Variants in ZSCAN10 observed in about 807,000 individuals in gnomAD.
The protein encoded by ZSCAN10 is zinc finger and SCAN domain-containing protein 10.
In ZSCAN10, 52 loss-of-function variants were observed where a neutral mutation model predicts 63.7. That is an observed-to-expected ratio of 0.82 (90% CI 0.65 to 1.03). The LOEUF (loss-of-function observed/expected upper bound fraction) is 1.03. Among genes scored for constraint, ZSCAN10 ranks in the 50% least tolerant of loss-of-function variants. The probability of loss-of-function intolerance (pLI) is 0.00; values close to 1 mark genes in which losing one functional copy is unlikely to be tolerated. For missense variants in ZSCAN10, 1,223 were observed against 1,103.8 expected (o/e 1.11, Z -1.53); for synonymous variants, 544 against 479.6 (o/e 1.13, Z -1.76).
Position 3,092,172 on chromosome 16 carries a change from G to T in ZSCAN10, c.541C>A (p.Pro181Thr), listed in dbSNP as rs146059332. The T allele has an allele frequency of 1.2e-6, 2 of 1,613,058 alleles. No individual in the cohort carries two copies. The highest frequency in any genetic ancestry group is 1.1e-5 in the South Asian group (1 of 91,080). ...EPSVLGPSDE[P>T]PRPQPRAAQP... Reference sequence around the variant, plus strand: ...GCAGCCCTTGGCTGGGGTCGGGGAGGCTCATCCGATGGGCCCAGCACTGAA... The same window carrying T: ...GCAGCCCTTGGCTGGGGTCGGGGAGTCTCATCCGATGGGCCCAGCACTGAA... Residue 181 changes from proline to threonine, a missense_variant, in exon 3 of 6, where the codon CCT (proline) becomes ACT (threonine). Coordinates refer to ENST00000576985, the MANE Select transcript of ZSCAN10 (RefSeq NM_032805.3).
intron 1 of ZSCAN10, among the ~76,000 whole-genome samples, chr16:3,096,905 G>A (rs1289720159): frequency 2.0e-5 from 3 of 150,456 alleles, no homozygotes; most frequent in Admixed American, 1.3e-4. Context: ...CTCCAGCCTG[G>A]GCGACAGAAT....
At chr16:3,092,521 C>A (rs764867297) in intron 2 of ZSCAN10, 21 bp downstream of exon 2, 4 of 1,485,308 alleles carry the variant, frequency 2.7e-6, no homozygotes, top group African/African-American at 1.4e-5. Context: ...TGCTGCTCAG[C>A]CCGCTGCCCC....
Position 3,091,951 on chromosome 16 carries a change from C to T in ZSCAN10, c.664+98G>A, listed in dbSNP as rs1357823728. 10 of 1,579,804 alleles carry T rather than the reference C, an allele frequency of 6.3e-6. No individual in the cohort carries two copies. The Admixed American group carries it at 8.6e-5, about 14-fold the overall frequency. On this transcript the variant is annotated intron_variant, in intron 3 of 5. Transcript: ENST00000576985. Reference sequence around the variant, plus strand: ...GAAGACACCTTGGCGCTCTCCTGTCCTGGTCACCTGGGGAGGCCCCACTTC... The same window carrying T: ...GAAGACACCTTGGCGCTCTCCTGTCTTGGTCACCTGGGGAGGCCCCACTTC...
In ZSCAN10 at chr16:3,090,207, G is replaced by A. The variant is rs1957051594; in HGVS notation, c.1227C>T (p.Cys409=). The A allele has an allele frequency of 6.2e-7, 1 of 1,606,130 alleles. No homozygotes were observed. Among genetic ancestry groups the A allele is most frequent in the Non-Finnish European group, 8.5e-7 (1 of 1,179,374 alleles). ...GCGAGCTCTGGCGGAAGCGGTGGCC[G>A]CACAGGTGGCAGGCGTGCGGCCGCT... ...TDERPHACHL[C]GHRFRQSSHL... The change falls in exon 6 of 6, where the codon TGC becomes TGT. Residue 409 remains cysteine (C), a synonymous_variant. Coordinates refer to ENST00000576985, the MANE Select transcript of ZSCAN10 (RefSeq NM_032805.3).
intron 5 of ZSCAN10, 115 bp from the exon 6 acceptor site, chr16:3,090,761 G>A: frequency 7.8e-7 from 1 of 1,279,904 alleles, no homozygotes; most frequent in East Asian, 2.7e-5. Flanking sequence ...AAAGCTGGTA[G>A]GTAAAAGGCC....
Position 3,090,631 on chromosome 16 carries a change from G to T in ZSCAN10, c.803C>A (p.Thr268Asn), listed in dbSNP as rs111643637. 98 of 1,543,392 alleles carry T rather than the reference G, an allele frequency of 6.3e-5. 4 individuals carry two copies. In the African/African-American group the frequency reaches 9.3e-4, roughly 15 times the overall value. ...TTGTTTAAATTCCTCCTTGTCTGGG[G>T]TTCTGCTTCCGAATCCTGGGAAACA... ...PAHPLGFGSRTPDKEEFKQEE... is the reference protein window; with the variant it reads ...PAHPLGFGSRNPDKEEFKQEE... Residue 268 changes from threonine (T) to asparagine (N), a missense_variant, in exon 6 of 6, where the codon ACC (threonine) becomes AAC (asparagine). Thr to Asn is a moderately conservative substitution (Grantham distance 65, BLOSUM62 0). Coordinates refer to ENST00000576985, the MANE Select transcript of ZSCAN10 (RefSeq NM_032805.3).
In ZSCAN10 at chr16:3,089,709, C is replaced by T. The variant is rs527886333; in HGVS notation, c.1725G>A (p.Glu575=). The T allele has an allele frequency of 6.2e-7, 1 of 1,604,828 alleles. No individual in the cohort carries two copies. The highest frequency in any genetic ancestry group is 2.2e-5 in the East Asian group (1 of 44,690). ...CGCACTGCGGACAGGCGTAGGGCTTCTCGCCCGTGTGCACCCGTTGGTGGC... is the reference window on the plus strand; with the variant it reads ...CGCACTGCGGACAGGCGTAGGGCTTTTCGCCCGTGTGCACCCGTTGGTGGC... The part of the protein sequence containing the change: ...LVSHQRVHTG[E]KPYACPQCGK... Residue 575 remains glutamate (E), a synonymous_variant, in exon 6 of 6, where the codon GAG becomes GAA. Coordinates refer to ENST00000576985, the MANE Select transcript of ZSCAN10 (RefSeq NM_032805.3).
Position 3,089,437 on chromosome 16 carries a change from G to A in ZSCAN10, c.1997C>T (p.Thr666Ile). 1 of 1,604,910 alleles carries A rather than the reference G, an allele frequency of 6.2e-7. No individual in the cohort carries two copies. The highest frequency in any genetic ancestry group is 1.7e-5 in the Admixed American group (1 of 59,624). ...HTGEKPHACD[T>I]CGHRFRNSSN... is the part of the protein sequence containing the mutation. ...GCTATTGCGGAAACGGTGGCCGCAG[G>A]TGTCGCAGGCGTGGGGCTTCTCCCC... The change falls in exon 6 of 6, where the codon ACC (threonine) becomes ATC (isoleucine). Residue 666 changes from threonine (T) to isoleucine (I), a missense_variant. Coordinates refer to ENST00000576985, the MANE Select transcript of ZSCAN10 (RefSeq NM_032805.3).
rs773981937 is a variant in ZSCAN10, at chr16:3,089,420, G to A, written c.2014C>T (p.Arg672Cys). The A allele has an allele frequency of 3.7e-6, 6 of 1,603,754 alleles. No individual in the cohort carries two copies. The South Asian group carries it at 6.6e-5, about 18-fold the overall frequency. Residue 672 changes from arginine to cysteine, a missense_variant, in exon 6 of 6, where the codon CGC becomes TGC. Coordinates refer to ENST00000576985, the MANE Select transcript of ZSCAN10 (RefSeq NM_032805.3). ...HACDTCGHRF[R>C]NSSNLARHRR... ...TGGCGGGCCAGGTTGGAGCTATTGC[G>A]GAAACGGTGGCCGCAGGTGTCGCAG...
chr16:3,091,462 G>A (rs1233270384), intron 5 of ZSCAN10, 78 bp downstream of exon 5: 3 of 1,508,780 alleles, frequency 2.0e-6, no homozygotes, highest in Admixed American at 1.7e-5. Flanking sequence ...GGGCAACATA[G>A]CGAGATTCCA....
At chr16:3,093,072 T>A (rs1957108125) in intron 1 of ZSCAN10, 68 bp from the exon 2 acceptor site, 2 of 1,210,726 alleles carry the variant, frequency 1.7e-6, no homozygotes, top group African/African-American at 1.6e-5. Context: ...GGGTCATCCA[T>A]GTTAAAAGAC....
intron 4 of ZSCAN10, 77 bp downstream of exon 4, chr16:3,091,687 A>C: frequency 6.2e-7 from 1 of 1,608,792 alleles, no homozygotes; most frequent in Non-Finnish European, 8.5e-7. Context: ...GAATCAGGGA[A>C]GGTATGGATT....
Position 3,092,510 on chromosome 16 carries a change from ATGCTGCTCAGCCCGC to A in ZSCAN10, c.396+17_396+31del. 6.8e-7 allele frequency: 1 copy of A among 1,471,770 alleles called. No homozygotes were observed. Among genetic ancestry groups the A allele is most frequent in the Non-Finnish European group, 9.0e-7 (1 of 1,113,664 alleles). 91.2% of individuals were successfully genotyped at this position (1,471,770 alleles called of 1,614,324 possible). ...GGGGGATCAAGTCCCCATCATCCGCATGCTGCTCAGCCCGCTGCCCCACCCTCTCACCAGCGGCCC... is the reference window on the plus strand; with the variant it reads ...GGGGGATCAAGTCCCCATCATCCGCATGCCCCACCCTCTCACCAGCGGCCC... On this transcript the variant is annotated intron_variant, in intron 2 of 5. Transcript: ENST00000576985.
chr16:3,095,913 T>C (rs1957149287), intron 1 of ZSCAN10, among the ~76,000 whole-genome samples: 1 of 151,944 alleles, frequency 6.6e-6, no homozygotes, highest in Non-Finnish European at 1.5e-5. Context: ...GGAAGATTGC[T>C]TGATCCCAGG....
chr16:3,098,105 G>C (rs970654805), intron 1 of ZSCAN10, among the ~76,000 whole-genome samples: 11 of 151,672 alleles, frequency 7.3e-5, no homozygotes, highest in Non-Finnish European at 1.5e-4. Flanking sequence ...AAAAAGAGTG[G>C]GGGAGGGGGA....
rs758848477 is a variant in ZSCAN10 at position 3,089,066 on chromosome 16, C to T, written c.*25G>A. The T allele has an allele frequency of 8.9e-6, 13 of 1,467,672 alleles. No homozygotes were observed. In the African/African-American group the frequency reaches 1.0e-4, roughly 12 times the overall value. The allele number at this position is 1,467,672 out of a possible 1,614,324, so 90.9% of individuals were successfully genotyped here. On this transcript the variant is annotated 3_prime_UTR_variant, in exon 6 of 6. Transcript: ENST00000576985. ...AGGACCCCGGGTAGGTGGCGCAGGG[C>T]GCGGCTGGCGGAAGGCGGGCCAAGC...
In ZSCAN10 at chr16:3,092,246, G is replaced by T. The variant is rs750857674; in HGVS notation, c.467C>A (p.Ser156Tyr). 15 of 1,613,016 alleles carry T rather than the reference G, an allele frequency of 9.3e-6. No homozygotes were observed. In the Admixed American group the frequency reaches 2.5e-4, roughly 27 times the overall value. The part of the protein sequence containing the change: ...DVTLEEKGCA[S>Y]QVPSHSPKKE... ...CTTGGGGCTGTGGCTGGGGACCTGGGAAGCACACCCCTTTTCCTCCAAGGT... is the reference window on the plus strand; with the variant it reads ...CTTGGGGCTGTGGCTGGGGACCTGGTAAGCACACCCCTTTTCCTCCAAGGT... Residue 156 changes from serine (S) to tyrosine (Y), a missense_variant, in exon 3 of 6, where the codon TCC becomes TAC. Coordinates refer to ENST00000576985, the MANE Select transcript of ZSCAN10 (RefSeq NM_032805.3).
rs1392941610 is a variant in ZSCAN10, at chr16:3,090,905, A to G, written c.788-259T>C. ...CCCGTCTCTACAAAAAAAAAAAAAAAAAACCAAAACAAAAATTAGCTGGGT... is the reference window on the plus strand; with the variant it reads ...CCCGTCTCTACAAAAAAAAAAAAAAGAAACCAAAACAAAAATTAGCTGGGT... On this transcript the variant is annotated intron_variant, in intron 5 of 5. Transcript: ENST00000576985. Among the ~76,000 whole-genome samples the G allele has an allele frequency of 1.1e-4, 16 of 152,052 alleles. 1 individual carries two copies. The South Asian group carries it at 3.3e-3, about 32-fold the overall frequency.
Position 3,093,154 on chromosome 16 carries a change from G to C in ZSCAN10, c.-67-150C>G, listed in dbSNP as rs76232960. The C allele has an allele frequency of 9.5e-3, 4,516 of 475,836 alleles. 180 individuals carry two copies. Among genetic ancestry groups the C allele is most frequent in the African/African-American group, 0.082 (4,123 of 50,000 alleles). 29.5% of individuals were successfully genotyped at this position (475,836 alleles called of 1,614,324 possible). A position where few individuals can be genotyped will look rare whatever the true frequency, so the allele number is the denominator to read the frequency against. ...GCTCACGAGGGCAGGACAGCCCCCG[G>C]TCTCAGGGTTACCAACAAAGCAAAG... is the stretch of plus-strand genomic sequence containing the variant. On this transcript the variant is annotated intron_variant, in intron 1 of 5. Transcript: ENST00000576985.
Sources: gnomAD v4.1 joint callset for allele counts (sites outside exome capture counted in the v4.1 genomes callset) on GRCh38, gnomAD v4.1.1 for gene constraint, MANE v1.5 for transcripts, NCBI Gene and HGNC (gene_info 2026-07-23, HGNC 2026-07-21) for gene names.